Variants in NBEAL2 observed in about 807,000 individuals in gnomAD.
The protein encoded by NBEAL2 is neurobeachin like 2.
Under a neutral mutation model 299.8 loss-of-function variants are expected in NBEAL2, and 160 were observed. The observed-to-expected ratio is 0.53, with a 90% CI of 0.47 to 0.61. The LOEUF (loss-of-function observed/expected upper bound fraction) is 0.61. NBEAL2 is among the 20% of genes least tolerant of loss of function. The pLI is 0.00. For synonymous variants in NBEAL2, 1,493 were observed against 1,542.3 expected, an observed-to-expected ratio of 0.97 and a Z score of 0.75; for missense variants, 3,112 against 3,649.0, an observed-to-expected ratio of 0.85 and a Z score of 3.79.
At position 46,991,400 on chromosome 3, in the gene NBEAL2, C is replaced by T. The variant is rs1359096639; in HGVS notation, c.643-6C>T. The T allele has an allele frequency of 6.3e-7, 1 of 1,599,852 alleles. No homozygotes were observed. On this transcript the variant is annotated splice_polypyrimidine_tract_variant and splice_region_variant and intron_variant, in intron 7 of 53. Coordinates refer to ENST00000450053, the MANE Select transcript of NBEAL2 (RefSeq NM_015175.3). The surrounding 1 kb of genome is among the most constrained non-coding windows in gnomAD (Gnocchi z 6.2). ...GCCCACTGCCCATCTCTGTCCACAC[C>T]TGCAGGAGAACGGGCAGATGGCTGT... is the stretch of plus-strand genomic sequence containing the variant.
intron 24 of NBEAL2, 51 bp downstream of exon 24, chr3:46,999,168 C>T: frequency 1.3e-6 from 2 of 1,546,656 alleles, no homozygotes; most frequent in Non-Finnish European, 1.8e-6. Flanking sequence ...GGGGCCCCTG[C>T]CTGGGGTTCA....
chr3:46,998,909 T>G (rs770383385), intron 23 of NBEAL2, 30 bp downstream of exon 23: 6 of 1,598,304 alleles, frequency 3.8e-6, no homozygotes, highest in Non-Finnish European at 5.1e-6. Flanking sequence ...GCGGGAGGCT[T>G]GGGTGAGGGG....
Position 47,006,411 on chromosome 3 carries a change from T to C in NBEAL2, c.7096T>C (p.Phe2366Leu), listed in dbSNP as rs756560030. 8.2e-6 allele frequency: 13 copies of C among 1,593,582 alleles called. No homozygotes were observed. The East Asian group carries it at 2.3e-4, about 28-fold the overall frequency. The change falls in exon 45 of 54, where the codon TTC becomes CTC. Residue 2366 changes from phenylalanine (F) to leucine (L), a missense_variant. Transcript: ENST00000450053. Reference protein sequence around the residue: ...ARLDTNSPSIFQHLDELKAFF... With the variant: ...ARLDTNSPSILQHLDELKAFF... ...CCTGGACACTAACTCACCTAGCATCTTCCAGCACCTGGACGAACTCAAGGC... is the reference window on the plus strand; with the variant it reads ...CCTGGACACTAACTCACCTAGCATCCTCCAGCACCTGGACGAACTCAAGGC...
chr3:47,009,165 C>A (rs1485557844), intron 53 of NBEAL2, 41 bp downstream of exon 53: 3 of 1,312,880 alleles, frequency 2.3e-6, no homozygotes, highest in East Asian at 5.6e-5. Context: ...TCGAACGGGG[C>A]GGGGCGTGGC....
In NBEAL2 at chr3:46,995,997, C is replaced by T. The variant is rs755345888; in HGVS notation, c.2097C>T (p.Tyr699=). Residue 699 remains tyrosine (Y), a synonymous_variant, in exon 15 of 54, where the codon TAC becomes TAT. Transcript: ENST00000450053. ...RPFSQNLVHV[Y]KDGHLVKTAP... is the part of the protein sequence containing the mutation. ...TCAGCCAGAACCTGGTCCATGTCTA[C>T]AAAGACGGCCATCTGGTCAAGACAG... 2 of 1,612,820 alleles carry T rather than the reference C, an allele frequency of 1.2e-6. No individual in the cohort carries two copies. The highest frequency in any genetic ancestry group is 1.7e-6 in the Non-Finnish European group (2 of 1,179,604).
Position 46,995,627 on chromosome 3 carries a change from T to G in NBEAL2, c.1892T>G (p.Leu631Arg). The G allele has an allele frequency of 6.2e-7, 1 of 1,609,574 alleles. No individual in the cohort carries two copies. Among genetic ancestry groups the G allele is most frequent in the Non-Finnish European group, 8.5e-7 (1 of 1,177,150 alleles). ...ACCCGACCACTCCAGCGAAAGCAGC[T>G]GTACAGGTGGGTGACTGCCAGGGGC... Reference protein sequence around the residue: ...APTRPLQRKQLYSFFTSSGSG... With the variant: ...APTRPLQRKQRYSFFTSSGSG... Residue 631 changes from leucine (L) to arginine (R), a missense_variant, in exon 13 of 54, where the codon CTG (leucine) becomes CGG (arginine). Leu to Arg is a moderately radical substitution (Grantham distance 102, BLOSUM62 -2). Transcript: ENST00000450053.
At position 46,998,868 on chromosome 3, in the gene NBEAL2, G is replaced by A. The variant is rs373444282; in HGVS notation, c.3373G>A (p.Asp1125Asn). 2.3e-4 allele frequency: 366 copies of A among 1,591,300 alleles called. No homozygotes were observed. The highest frequency in any genetic ancestry group is 2.9e-4 in the Non-Finnish European group (334 of 1,169,270). Residue 1125 changes from aspartate to asparagine, a missense_variant, in exon 23 of 54, where the codon GAT becomes AAT. Physicochemically the swap from Asp to Asn is conservative, Grantham distance 23. This residue lies in a region of NBEAL2 where 2,243 missense variants were observed against 2,538.1 expected (regional missense o/e 0.88). Transcript: ENST00000450053. ...TMLSFLAATGDDGQAVGALDL... is the reference protein window; with the variant it reads ...TMLSFLAATGNDGQAVGALDL... ...GCTGAGCTTTTTGGCGGCCACAGGCGATGACGGTCAGGTAGGCTGGAGGTT... is the reference window on the plus strand; with the variant it reads ...GCTGAGCTTTTTGGCGGCCACAGGCAATGACGGTCAGGTAGGCTGGAGGTT...
rs372870343 is a variant in NBEAL2, at chr3:47,007,882, C to T, written c.7574C>T (p.Thr2525Met). ...IYLISGSRDT[T>M]CMVWRLLHQG... The stretch of plus-strand genomic sequence containing the variant: ...CTCATCTCAGGCTCCCGGGACACCA[C>T]GTGCATGGTGTGGCGGCTCCTGCAT... The change falls in exon 49 of 54, where the codon ACG (threonine) becomes ATG (methionine). Residue 2525 changes from threonine to methionine, a missense_variant. By Grantham distance (81) the Thr-to-Met change is moderately conservative. Coordinates refer to ENST00000450053, the MANE Select transcript of NBEAL2 (RefSeq NM_015175.3). 37 of 1,613,392 alleles carry T rather than the reference C, an allele frequency of 2.3e-5. No individual in the cohort carries two copies. Among genetic ancestry groups the T allele is most frequent in the African/African-American group, 5.3e-5 (4 of 74,916 alleles).
chr3:46,988,561 C>T lies in NBEAL2; in HGVS notation c.52-108C>T, dbSNP rs1392626517. The T allele has an allele frequency of 1.0e-6, 1 of 955,386 alleles. No homozygotes were observed. The highest frequency in any genetic ancestry group is 2.5e-5 in the East Asian group (1 of 40,770). The allele number at this position is 955,386 out of a possible 1,614,324, so 59.2% of individuals were successfully genotyped here. On this transcript the variant is annotated intron_variant, in intron 1 of 53. Coordinates refer to ENST00000450053, the MANE Select transcript of NBEAL2 (RefSeq NM_015175.3). This position sits in a 1 kb window ranked among gnomAD's most constrained non-coding sequence, Gnocchi z 4.4. Reference sequence around the variant, plus strand: ...CTGCCTTTAACCCCTTGTCCATGCCCTCTGTCCACCTCCATTCATTCTTCG... The same window carrying T: ...CTGCCTTTAACCCCTTGTCCATGCCTTCTGTCCACCTCCATTCATTCTTCG...
In NBEAL2 at chr3:47,008,453, G is replaced by A; in HGVS notation, c.7878+12G>A. ...GTCCTGGGGCCCAGGTATGGGGAAGGGGTGCCCAGCAAAGATGGAGGGGCA... is the reference window on the plus strand; with the variant it reads ...GTCCTGGGGCCCAGGTATGGGGAAGAGGTGCCCAGCAAAGATGGAGGGGCA... On this transcript the variant is annotated intron_variant, in intron 51 of 53. Transcript: ENST00000450053. The A allele has an allele frequency of 3.7e-6, 6 of 1,610,614 alleles. No individual in the cohort carries two copies. Among genetic ancestry groups the A allele is most frequent in the Non-Finnish European group, 5.1e-6 (6 of 1,177,222 alleles).
intron 26 of NBEAL2, 30 bp downstream of exon 26, chr3:46,999,745 AG>A (rs765106219): frequency 1.2e-5 from 20 of 1,602,530 alleles, no homozygotes; most frequent in Non-Finnish European, 1.6e-5. Flanking sequence ...GCTTTGGGGG[AG>A]GGGGAGGGTG....
chr3:46,992,947 G>A (rs113248894), intron 10 of NBEAL2, among the ~76,000 whole-genome samples: 4 of 152,280 alleles, frequency 2.6e-5, no homozygotes, highest in Admixed American at 6.5e-5. Flanking sequence ...CACCCTCAGC[G>A]GGTCACTGGG....
In NBEAL2 at chr3:46,988,046, C is replaced by A; in HGVS notation, c.52-623C>A. 7.9e-7 allele frequency: 1 copy of A among 1,271,646 alleles called. No homozygotes were observed. The highest frequency in any genetic ancestry group is 1.3e-5 in the South Asian group (1 of 79,438). The allele number at this position is 1,271,646 out of a possible 1,614,324, so 78.8% of individuals were successfully genotyped here. On this transcript the variant is annotated intron_variant, in intron 1 of 53. Coordinates refer to ENST00000450053, the MANE Select transcript of NBEAL2 (RefSeq NM_015175.3). The surrounding 1 kb of genome is among the most constrained non-coding windows in gnomAD (Gnocchi z 4.4). ...TGGGCTTAGCCACTGCCCCTCTTGCCCATGGAACCAGCTCTGGGGCCTGGG... is the reference window on the plus strand; with the variant it reads ...TGGGCTTAGCCACTGCCCCTCTTGCACATGGAACCAGCTCTGGGGCCTGGG...
chr3:46,983,510 AT>A (rs2035493010), intron 1 of NBEAL2, among the ~76,000 whole-genome samples: 1 of 151,864 alleles, frequency 6.6e-6, no homozygotes, highest in South Asian at 2.1e-4. Context: ...GGGTTTCACT[AT>A]GTTGGCTAGG....
At position 47,009,028 on chromosome 3, in the gene NBEAL2, C is replaced by T. The variant is rs760292590; in HGVS notation, c.8067C>T (p.Ala2689=). Residue 2689 remains alanine (A), a synonymous_variant, in exon 53 of 54, where the codon GCC becomes GCT. Coordinates refer to ENST00000450053, the MANE Select transcript of NBEAL2 (RefSeq NM_015175.3). ...PAAPPLPMKV[A]IRSVAVTKER... ...CGCCTCCCTTGCCCATGAAGGTGGC[C>T]ATCCGCAGCGTGGCCGTGACCAAGG... 1.2e-6 allele frequency: 2 copies of T among 1,600,940 alleles called. No individual in the cohort carries two copies. Among genetic ancestry groups the T allele is most frequent in the Admixed American group, 3.3e-5 (2 of 60,018 alleles).
Position 47,003,773 on chromosome 3 carries a change from G to A in NBEAL2, c.5721-43G>A. 1 of 1,533,080 alleles carries A rather than the reference G, an allele frequency of 6.5e-7. No individual in the cohort carries two copies. Among genetic ancestry groups the A allele is most frequent in the Non-Finnish European group, 8.8e-7 (1 of 1,137,054 alleles). The allele number at this position is 1,533,080 out of a possible 1,614,324, so 95.0% of individuals were successfully genotyped here. On this transcript the variant is annotated intron_variant, in intron 35 of 53. Transcript: ENST00000450053. This position sits in a 1 kb window ranked among gnomAD's most constrained non-coding sequence, Gnocchi z 7.0. ...ATGCCCTTTGGGCTTGTGAAGAAGG[G>A]GGTCCCAGAGCCTACAGCGTGAGGT... is the stretch of plus-strand genomic sequence containing the variant.
intron 52 of NBEAL2, 141 bp from the exon 53 acceptor site, chr3:47,008,847 TG>T: frequency 6.9e-7 from 1 of 1,446,068 alleles, no homozygotes; most frequent in Non-Finnish European, 9.4e-7. Context: ...GCCACAGTTG[TG>T]GGAGATTTCT....
chr3:47,007,123 T>A lies in NBEAL2; in HGVS notation c.7192T>A (p.Ser2398Thr), dbSNP rs952353232. ...CCTGGTCCCCCACCGGCAGCCCCACTCCTTCATCACCCAGGGTTCCCCAGA... is the reference window on the plus strand; with the variant it reads ...CCTGGTCCCCCACCGGCAGCCCCACACCTTCATCACCCAGGGTTCCCCAGA... ...LALVPHRQPH[S>T]FITQGSPDLL... is the part of the protein sequence containing the mutation. The change falls in exon 46 of 54, where the codon TCC becomes ACC. Residue 2398 changes from serine to threonine, a missense_variant. Physicochemically the swap from Ser to Thr is moderately conservative, Grantham distance 58. Around this residue, in one of 3 missense-constraint regions of NBEAL2, gnomAD observed 521 missense variants for 729.6 expected, o/e 0.71. Coordinates refer to ENST00000450053, the MANE Select transcript of NBEAL2 (RefSeq NM_015175.3). 6.2e-7 allele frequency: 1 copy of A among 1,613,712 alleles called. No homozygotes were observed. The highest frequency in any genetic ancestry group is 8.5e-7 in the Non-Finnish European group (1 of 1,179,796).
Position 47,003,985 on chromosome 3 carries a change from TG to T in NBEAL2, c.5881+11del. The T allele has an allele frequency of 3.7e-6, 6 of 1,612,106 alleles. No individual in the cohort carries two copies. Among genetic ancestry groups the T allele is most frequent in the Non-Finnish European group, 4.2e-6 (5 of 1,178,600 alleles). On this transcript the variant is annotated intron_variant, in intron 36 of 53. Coordinates refer to ENST00000450053, the MANE Select transcript of NBEAL2 (RefSeq NM_015175.3). This position sits in a 1 kb window ranked among gnomAD's most constrained non-coding sequence, Gnocchi z 7.0. ...CGTGGAAACCGAGGAGGGTGCGTCC[TG>T]GTGGTGTGGTTTAGGAGGATGGCAG...
Sources: gnomAD v4.1 joint callset for allele counts (sites outside exome capture counted in the v4.1 genomes callset) on GRCh38, gnomAD v4.1.1 for gene constraint, gnomAD v4.1.1 regional missense constraint, Gnocchi (gnomAD v3.1) non-coding constraint, MANE v1.5 for transcripts, NCBI Gene and HGNC (gene_info 2026-07-23, HGNC 2026-07-21) for gene names.